The following VPS53 variants were observed in gnomAD, a reference collection of about 807,000 sequenced individuals.
VPS53 encodes the protein vacuolar protein sorting-associated protein 53 homolog.
In VPS53, 70 loss-of-function variants were observed where a neutral mutation model predicts 107.0. The ratio of observed to expected loss-of-function variants is 0.65; its 90% CI spans 0.54 to 0.80. VPS53 has a LOEUF of 0.80. Among genes scored for constraint, VPS53 ranks in the 30% least tolerant of loss-of-function variants. The pLI is 0.00. For missense variants in VPS53, 917 were observed against 1,049.4 expected, an observed-to-expected ratio of 0.87 and a Z score of 1.74; for synonymous variants, 409 against 393.3, an observed-to-expected ratio of 1.04 and a Z score of -0.47.
At chr17:580,496 A>C (rs775454086) in intron 13 of VPS53, among the ~76,000 whole-genome samples, 1 of 131,406 alleles carries the variant, frequency 7.6e-6, no homozygotes, top group Non-Finnish European at 1.6e-5. Flanking sequence ...AACCTAATGC[A>C]TTCCCAGAGA....
Position 613,547 on chromosome 17 carries a change from C to A in VPS53, c.1116+9986G>T, listed in dbSNP as rs544896383. Among the ~76,000 whole-genome samples, 615 of 140,042 alleles carry A rather than the reference C, an allele frequency of 4.4e-3. 3 individuals carry two copies. The highest frequency in any genetic ancestry group is 0.016 in the African/African-American group (586 of 36,694). The allele number at this position is 140,042 out of a possible 152,430, so 91.9% of individuals were successfully genotyped here. ...ACATAGTGAGTTCACACAGTGAAAA[C>A]CTGTACAGATATTCACAGCAGTATT... On this transcript the variant is annotated intron_variant, in intron 11 of 21. Coordinates refer to ENST00000437048, the MANE Select transcript of VPS53 (RefSeq NM_001128159.3).
intron 11 of VPS53, among the ~76,000 whole-genome samples, chr17:603,144 G>T (rs1475578661): frequency 2.6e-5 from 4 of 152,196 alleles, no homozygotes; most frequent in African/African-American, 4.8e-5. Flanking sequence ...TTACACAAAG[G>T]CCGGGTGCAG....
At chr17:541,487 G>A (rs1910642316) in intron 17 of VPS53, among the ~76,000 whole-genome samples, 1 of 116,258 alleles carries the variant, frequency 8.6e-6, no homozygotes, top group African/African-American at 3.8e-5. Context: ...TGCACCAGGG[G>A]CTGAAAGAAT....
intron 11 of VPS53, among the ~76,000 whole-genome samples, chr17:606,454 G>A (rs1307209334): frequency 6.6e-6 from 1 of 152,058 alleles, no homozygotes; most frequent in Non-Finnish European, 1.5e-5. Flanking sequence ...TGCGTGTCAG[G>A]CGTGAGCTAC....
At chr17:693,993 T>C (rs191393794) in intron 4 of VPS53, among the ~76,000 whole-genome samples, 94 of 152,278 alleles carry the variant, frequency 6.2e-4, no homozygotes, top group Admixed American at 2.9e-3. Flanking sequence ...AATAGACTCC[T>C]TTTAGCAAAC....
At chr17:526,591 C>T (rs1909142880) in intron 19 of VPS53, among the ~76,000 whole-genome samples, 1 of 152,146 alleles carries the variant, frequency 6.6e-6, no homozygotes, top group Non-Finnish European at 1.5e-5. Context: ...TAGTTTTCAA[C>T]TTTGAAATAG....
rs375933984 is a variant in VPS53, at chr17:645,644, A to C, written c.608+7647T>G. The stretch of plus-strand genomic sequence containing the variant: ...TAAGAGTTTTAGAATTAGGTTTTAC[A>C]TCTAGGTTACAGATCCATTTTGAGT... On this transcript the variant is annotated intron_variant, in intron 7 of 21. Coordinates refer to ENST00000437048, the MANE Select transcript of VPS53 (RefSeq NM_001128159.3). Among the ~76,000 whole-genome samples, 48 of 152,356 alleles carry C rather than the reference A, an allele frequency of 3.2e-4. 1 individual carries two copies. The South Asian group carries it at 8.5e-3, about 27-fold the overall frequency.
At chr17:633,333 C>T (rs1444610783) in intron 7 of VPS53, among the ~76,000 whole-genome samples, 1 of 152,186 alleles carries the variant, frequency 6.6e-6, no homozygotes, top group Non-Finnish European at 1.5e-5. Context: ...TCAGGCCCTG[C>T]TGGGCTTCCT....
At position 656,699 on chromosome 17, in the gene VPS53, A is replaced by AGT. The variant is rs1567713837; in HGVS notation, c.373-747_373-746insAC. On this transcript the variant is annotated intron_variant, in intron 5 of 21. Coordinates refer to ENST00000437048, the MANE Select transcript of VPS53 (RefSeq NM_001128159.3). Reference sequence around the variant, plus strand: ...GTTTCTTGGTCCATGCTGACTAAGAAATGTGTGTGTGTGTGTGTGTGTGTG... The same window carrying AGT: ...GTTTCTTGGTCCATGCTGACTAAGAAGTATGTGTGTGTGTGTGTGTGTGTGTG... 100 of 495,436 alleles carry AGT rather than the reference A, an allele frequency of 2.0e-4. 1 individual carries two copies. Among genetic ancestry groups the AGT allele is most frequent in the Admixed American group, 2.6e-4 (6 of 23,020 alleles). The allele number at this position is 495,436 out of a possible 1,614,324, so 30.7% of individuals were successfully genotyped here.
chr17:530,787 T>A (rs998541510), intron 19 of VPS53, among the ~76,000 whole-genome samples: 1 of 152,184 alleles, frequency 6.6e-6, no homozygotes, highest in Non-Finnish European at 1.5e-5. Context: ...ATGATCAATA[T>A]TGGTGTGGGT....
At chr17:578,040 A>G (rs907996422) in intron 13 of VPS53, among the ~76,000 whole-genome samples, 8 of 151,516 alleles carry the variant, frequency 5.3e-5, no homozygotes, top group African/African-American at 1.2e-4. Flanking sequence ...TAGGACCTCA[A>G]TGCGTTTTCA....
At chr17:661,027 C>A (rs1971414833) in intron 5 of VPS53, among the ~76,000 whole-genome samples, 1 of 152,014 alleles carries the variant, frequency 6.6e-6, no homozygotes, top group Non-Finnish European at 1.5e-5. Flanking sequence ...GAGAACTCAA[C>A]CAAAACCACA....
intron 12 of VPS53, among the ~76,000 whole-genome samples, chr17:594,571 C>T (rs1379422572): frequency 9.4e-5 from 14 of 148,678 alleles, no homozygotes; most frequent in Admixed American, 9.4e-4. Context: ...GGGTCTGGAT[C>T]AATTTCCTCG....
chr17:691,249 C>T (rs930879343), intron 4 of VPS53, among the ~76,000 whole-genome samples: 1 of 152,204 alleles, frequency 6.6e-6, no homozygotes, highest in African/African-American at 2.4e-5. Flanking sequence ...GCTGGCAGAA[C>T]TAAGATCAAC....
intron 17 of VPS53, among the ~76,000 whole-genome samples, chr17:545,765 G>A (rs1330885594): frequency 6.6e-6 from 1 of 152,190 alleles, no homozygotes; most frequent in Non-Finnish European, 1.5e-5. Context: ...GTTTAATAGG[G>A]AAGACAAAGA....
At position 655,844 on chromosome 17, in the gene VPS53, G is replaced by A; in HGVS notation, c.482C>T (p.Ser161Phe). 1 of 1,612,756 alleles carries A rather than the reference G, an allele frequency of 6.2e-7. No individual in the cohort carries two copies. The highest frequency in any genetic ancestry group is 8.5e-7 in the Non-Finnish European group (1 of 1,179,442). The change falls in exon 6 of 22, where the codon TCC (serine) becomes TTC (phenylalanine). Residue 161 changes from serine to phenylalanine, a missense_variant. Coordinates refer to ENST00000437048, the MANE Select transcript of VPS53 (RefSeq NM_001128159.3). ...HLHMLAGGVD[S>F]LEAMTRRRQY... ...GAAAGTTGGCATTGCTTACTCGAGGGAGTCGACACCTCCTGCCAGCATGTG... is the reference window on the plus strand; with the variant it reads ...GAAAGTTGGCATTGCTTACTCGAGGAAGTCGACACCTCCTGCCAGCATGTG...
At position 611,171 on chromosome 17, in the gene VPS53, G is replaced by A. The variant is rs1344749284; in HGVS notation, c.1117-9275C>T. Among the ~76,000 whole-genome samples, 3 of 152,006 alleles carry A rather than the reference G, an allele frequency of 2.0e-5. No individual in the cohort carries two copies. In the East Asian group the frequency reaches 5.8e-4, roughly 30 times the overall value. On this transcript the variant is annotated intron_variant, in intron 11 of 21. Coordinates refer to ENST00000437048, the MANE Select transcript of VPS53 (RefSeq NM_001128159.3). ...TGGGATTATAGGCACCCGCCACCAC[G>A]CCTGGCTAAGTTTTGTATTTTTAGT... is the stretch of plus-strand genomic sequence containing the variant.
intron 5 of VPS53, among the ~76,000 whole-genome samples, chr17:661,495 C>T (rs188153944): frequency 7.1e-6 from 1 of 141,708 alleles, no homozygotes; most frequent in South Asian, 2.3e-4. Flanking sequence ...CACTCCAAGG[C>T]TGGCGACAGA....
intron 4 of VPS53, among the ~76,000 whole-genome samples, chr17:697,057 TTTACAG>T (rs1177647627): frequency 1.3e-5 from 2 of 152,200 alleles, no homozygotes; most frequent in Non-Finnish European, 2.9e-5. Context: ...GTTACTATCT[TTTACAG>T]CCACAAAATA....
Sources: allele counts gnomAD v4.1 joint callset (sites outside exome capture counted in the v4.1 genomes callset), GRCh38; gene constraint gnomAD v4.1.1; transcripts MANE v1.5; gene names NCBI Gene and HGNC (gene_info 2026-07-23, HGNC 2026-07-21).